The following TOGARAM1 variants were observed in gnomAD, a reference collection of about 807,000 sequenced individuals.
The protein encoded by TOGARAM1 is TOG array regulator of axonemal microtubules protein 1.
A neutral mutation model predicts 166.6 loss-of-function variants in TOGARAM1; 100 were observed. The ratio of observed to expected loss-of-function variants is 0.60; its 90% CI spans 0.51 to 0.71. The LOEUF (loss-of-function observed/expected upper bound fraction) is 0.71. TOGARAM1 is among the 30% of genes least tolerant of loss of function. The probability of loss-of-function intolerance (pLI) is 0.00; values close to 1 mark genes in which losing one functional copy is unlikely to be tolerated. For synonymous variants in TOGARAM1, 758 were observed against 763.8 expected, an observed-to-expected ratio of 0.99 and a Z score of 0.13; for missense variants, 2,029 against 2,102.7, an observed-to-expected ratio of 0.96 and a Z score of 0.69.
At chr14:45,051,893 C>G (rs1357448775) in intron 14 of TOGARAM1, among the ~76,000 whole-genome samples, 1 of 152,094 alleles carries the variant, frequency 6.6e-6, no homozygotes, top group Non-Finnish European at 1.5e-5. Flanking sequence ...GAGGTTATAT[C>G]CCAATAAACC....
chr14:44,962,304 C>T lies in TOGARAM1; in HGVS notation c.-118C>T, dbSNP rs1219082079. Reference sequence around the variant, plus strand: ...GGGGCGGCCTGGCGGCAGGCTGAAGCTGTTCTTTTGCCTCTTCTGCAGCTT... The same window carrying T: ...GGGGCGGCCTGGCGGCAGGCTGAAGTTGTTCTTTTGCCTCTTCTGCAGCTT... On this transcript the variant is annotated 5_prime_UTR_variant, in exon 1 of 20. Transcript: ENST00000361462. 1 of 1,298,260 alleles carries T rather than the reference C, an allele frequency of 7.7e-7. No individual in the cohort carries two copies. The highest frequency in any genetic ancestry group is 2.7e-5 in the Admixed American group (1 of 37,574). The allele number at this position is 1,298,260 out of a possible 1,614,324, so 80.4% of individuals were successfully genotyped here.
intron 7 of TOGARAM1, among the ~76,000 whole-genome samples, chr14:45,019,870 C>G: frequency 6.6e-6 from 1 of 152,130 alleles, no homozygotes; most frequent in East Asian, 1.9e-4. Context: ...GATGACTGCT[C>G]TAACTGCTTC....
chr14:44,976,265 C>G (rs62000260), intron 1 of TOGARAM1, among the ~76,000 whole-genome samples: 4 of 152,264 alleles, frequency 2.6e-5, no homozygotes, highest in Middle Eastern at 3.4e-3. Context: ...TACATTTAAC[C>G]TATTGATTTT....
intron 3 of TOGARAM1, among the ~76,000 whole-genome samples, chr14:45,001,047 A>G (rs1399583033): frequency 6.6e-6 from 1 of 152,168 alleles, no homozygotes; most frequent in Admixed American, 6.5e-5. Context: ...TAGTGTTTTG[A>G]GGAACTTCCT....
chr14:45,022,709 C>T (rs749729387), intron 7 of TOGARAM1, among the ~76,000 whole-genome samples: 6 of 151,862 alleles, frequency 4.0e-5, no homozygotes, highest in Non-Finnish European at 5.9e-5. Flanking sequence ...AGGGGATTAC[C>T]CCATACTCAG....
intron 18 of TOGARAM1, 41 bp downstream of exon 18, chr14:45,068,684 C>G: frequency 6.9e-7 from 1 of 1,451,142 alleles, no homozygotes. Flanking sequence ...TTTTCACTTT[C>G]TTTTCATGTT....
At chr14:44,988,559 A>G (rs1466173110) in intron 1 of TOGARAM1, among the ~76,000 whole-genome samples, 1 of 152,246 alleles carries the variant, frequency 6.6e-6, no homozygotes, top group Non-Finnish European at 1.5e-5. Flanking sequence ...TAAAGAGACA[A>G]AAACATATAT....
chr14:44,992,754 A>G (rs1887213388), intron 1 of TOGARAM1, among the ~76,000 whole-genome samples: 1 of 150,206 alleles, frequency 6.7e-6, no homozygotes, highest in Non-Finnish European at 1.5e-5. Context: ...AGTAGCTGGG[A>G]CTACAGGCGC....
At chr14:45,012,837 G>A (rs940683521) in intron 7 of TOGARAM1, among the ~76,000 whole-genome samples, 1 of 152,134 alleles carries the variant, frequency 6.6e-6, no homozygotes, top group Non-Finnish European at 1.5e-5. Context: ...TCTTAAATGT[G>A]TCTTAATCTC....
Position 45,044,684 on chromosome 14 carries a change from G to C in TOGARAM1, c.3968G>C (p.Ser1323Thr). ...GVSRAAVVCL[S>T]DLFTYLKKSM... ...TCTCGTGCTGCTGTGGTCTGTTTAA[G>C]TGATCTTTTCACTTATTTGAAAAAG... The change falls in exon 13 of 20, where the codon AGT becomes ACT. Residue 1323 changes from serine to threonine, a missense_variant. Ser to Thr is a moderately conservative substitution (Grantham distance 58). This residue lies in a region of TOGARAM1 where 576 missense variants were observed against 670.5 expected (regional missense o/e 0.86). Coordinates refer to ENST00000361462, the MANE Select transcript of TOGARAM1 (RefSeq NM_001308120.2). The C allele has an allele frequency of 6.2e-7, 1 of 1,613,872 alleles. No homozygotes were observed. Among genetic ancestry groups the C allele is most frequent in the Middle Eastern group, 1.6e-4 (1 of 6,062 alleles).
At chr14:45,047,324 G>A (rs1346838886) in intron 14 of TOGARAM1, among the ~76,000 whole-genome samples, 4 of 151,472 alleles carry the variant, frequency 2.6e-5, no homozygotes, top group East Asian at 1.9e-4. Context: ...CCCGGGAGGC[G>A]GAGGTTGCAG....
chr14:44,981,276 G>T (rs78592865), intron 1 of TOGARAM1, among the ~76,000 whole-genome samples: 3 of 152,194 alleles, frequency 2.0e-5, no homozygotes, highest in Admixed American at 6.5e-5. Context: ...CTGTGAGAAT[G>T]GATGGGCTGT....
chr14:44,964,754 C>T (rs562162010), intron 1 of TOGARAM1, among the ~76,000 whole-genome samples: 2 of 151,812 alleles, frequency 1.3e-5, no homozygotes, highest in Non-Finnish European at 2.9e-5. Flanking sequence ...CTCATTCATA[C>T]AACAAACATT....
Position 44,962,204 on chromosome 14 carries a change from G to C in TOGARAM1, c.-218G>C. ...TCGGTTTGGTCACGTGGTGCCCTTG[G>C]TTACGCCCGGTGGCAGCTGTGGGGT... is the stretch of plus-strand genomic sequence containing the variant. On this transcript the variant is annotated 5_prime_UTR_variant, in exon 1 of 20. Coordinates refer to ENST00000361462, the MANE Select transcript of TOGARAM1 (RefSeq NM_001308120.2). 1 of 509,964 alleles carries C rather than the reference G, an allele frequency of 2.0e-6. No individual in the cohort carries two copies. Among genetic ancestry groups the C allele is most frequent in the East Asian group, 3.1e-5 (1 of 31,852 alleles). The allele number at this position is 509,964 out of a possible 1,614,324, so 31.6% of individuals were successfully genotyped here.
chr14:45,056,838 C>A (rs180950629), intron 16 of TOGARAM1, among the ~76,000 whole-genome samples: 39 of 151,904 alleles, frequency 2.6e-4, no homozygotes, highest in African/African-American at 9.2e-4. Context: ...TGTGTCTTTG[C>A]CTTGTTTTGG....
At chr14:45,056,059 T>C (rs953916491) in intron 16 of TOGARAM1, among the ~76,000 whole-genome samples, 1 of 151,894 alleles carries the variant, frequency 6.6e-6, no homozygotes, top group African/African-American at 2.4e-5. Context: ...TTGTCAGCGT[T>C]TTTTAGTTTT....
chr14:45,061,418 A>C (rs1882896310), intron 16 of TOGARAM1, among the ~76,000 whole-genome samples: 1 of 152,216 alleles, frequency 6.6e-6, no homozygotes, highest in Admixed American at 6.5e-5. Context: ...TAGAATATCA[A>C]ATATAATGTT....
intron 1 of TOGARAM1, among the ~76,000 whole-genome samples, chr14:44,976,480 TA>T (rs1335121847): frequency 6.6e-6 from 1 of 152,236 alleles, no homozygotes; most frequent in Non-Finnish European, 1.5e-5. Context: ...TATTTCCCAC[TA>T]TACTCTGAGC....
intron 1 of TOGARAM1, among the ~76,000 whole-genome samples, chr14:44,974,465 A>G (rs1886072252): frequency 6.6e-6 from 1 of 152,144 alleles, no homozygotes. Flanking sequence ...AAATTCTGGT[A>G]TGTTAACTTC....
Sources: allele counts gnomAD v4.1 joint callset (sites outside exome capture counted in the v4.1 genomes callset), GRCh38; gene constraint gnomAD v4.1.1; regional missense constraint gnomAD v4.1.1; transcripts MANE v1.5; gene names NCBI Gene and HGNC (gene_info 2026-07-23, HGNC 2026-07-21).